Variants in HOOK1 observed in about 807,000 individuals in gnomAD.
The protein encoded by HOOK1 is protein Hook homolog 1.
HOOK1 carries 60 observed loss-of-function variants against 112.8 expected under a neutral mutation model. That is an observed-to-expected ratio of 0.53 (90% CI 0.43 to 0.66). The LOEUF (loss-of-function observed/expected upper bound fraction) is 0.66. HOOK1 is among the 30% of genes least tolerant of loss of function. HOOK1 has a pLI of 0.00. For missense variants in HOOK1, 770 were observed against 856.0 expected (o/e 0.90, Z 1.25); for synonymous variants, 294 against 283.8 (o/e 1.04, Z -0.36).
intron 1 of HOOK1, among the ~76,000 whole-genome samples, chr1:59,820,542 A>G (rs2102002299): frequency 6.6e-6 from 1 of 152,046 alleles, no homozygotes; most frequent in African/African-American, 2.4e-5. Context: ...TCATATTCCT[A>G]TTTCCTGAAG....
At chr1:59,871,182 A>G in intron 21 of HOOK1, 72 bp downstream of exon 21, 1 of 926,954 alleles carries the variant, frequency 1.1e-6, no homozygotes, top group African/African-American at 1.7e-5. Context: ...CAAGTACAAC[A>G]TAAGAAAATA....
chr1:59,858,158 G>T (rs2098411668), intron 12 of HOOK1, among the ~76,000 whole-genome samples: 1 of 152,152 alleles, frequency 6.6e-6, no homozygotes, highest in Non-Finnish European at 1.5e-5. Flanking sequence ...CAAAGTCCAT[G>T]CTTTTTTATT....
At chr1:59,844,690 C>T (rs1242890613) in intron 9 of HOOK1, among the ~76,000 whole-genome samples, 1 of 151,856 alleles carries the variant, frequency 6.6e-6, no homozygotes, top group African/African-American at 2.4e-5. Flanking sequence ...ATAGAGAATT[C>T]CTATCTATGA....
chr1:59,847,347 G>A (rs1474834972), intron 10 of HOOK1, among the ~76,000 whole-genome samples, 162 bp downstream of exon 10: 1 of 151,596 alleles, frequency 6.6e-6, no homozygotes, highest in Non-Finnish European at 1.5e-5. Context: ...TATGTTTGTT[G>A]TTTGGGCTTG....
At chr1:59,852,259 C>A (rs1181849694) in intron 12 of HOOK1, among the ~76,000 whole-genome samples, 1 of 149,852 alleles carries the variant, frequency 6.7e-6, no homozygotes, top group African/African-American at 2.5e-5. Context: ...TTGTGGAGTT[C>A]AGTTTTCTGG....
chr1:59,825,759 CA>C (rs2098389389), intron 2 of HOOK1, among the ~76,000 whole-genome samples: 1 of 152,072 alleles, frequency 6.6e-6, no homozygotes, highest in South Asian at 2.1e-4. Context: ...GAAGTCATCC[CA>C]ATAGATTTTT....
chr1:59,854,142 C>T (rs2098409250), intron 12 of HOOK1, among the ~76,000 whole-genome samples: 1 of 142,076 alleles, frequency 7.0e-6, no homozygotes, highest in Non-Finnish European at 1.5e-5. Flanking sequence ...ACCTCTGCCT[C>T]CTGGGTTCAA....
In HOOK1 at chr1:59,858,419, T is replaced by C. The variant is rs368629656; in HGVS notation, c.1243-9T>C. On this transcript the variant is annotated splice_polypyrimidine_tract_variant and intron_variant, in intron 12 of 21. Transcript: ENST00000371208. ...TAAATACTTTGCTGATATCAACAAT[T>C]CTTTTCAGAGACTAATTGAGCAGCG... 149 of 1,582,954 alleles carry C rather than the reference T, an allele frequency of 9.4e-5. No individual in the cohort carries two copies. The Middle Eastern group carries it at 4.0e-3, about 43-fold the overall frequency.
chr1:59,846,584 T>TCCCACCC (rs879727101), intron 9 of HOOK1, among the ~76,000 whole-genome samples: 1 of 89,616 alleles, frequency 1.1e-5, no homozygotes, highest in Non-Finnish European at 2.2e-5. Context: ...CCTTCCTTCC[T>TCCCACCC]TCCTCCCTCC....
chr1:59,874,364 A>G lies in HOOK1; in HGVS notation c.*1399A>G, dbSNP rs1644103295. The G allele has an allele frequency of 6.6e-6, 1 of 152,212 alleles. No homozygotes were observed. The highest frequency in any genetic ancestry group is 2.1e-4 in the South Asian group (1 of 4,832). The allele number at this position is 152,212 out of a possible 1,614,324, so 9.4% of individuals were successfully genotyped here. On this transcript the variant is annotated 3_prime_UTR_variant, in exon 22 of 22. Coordinates refer to ENST00000371208, the MANE Select transcript of HOOK1 (RefSeq NM_015888.6). ...AAAATGTTAGGACTATTTCAGATAT[A>G]AAAAGGAACTGAATTGTGACATAAT...
At chr1:59,829,852 A>G (rs1051696143) in intron 3 of HOOK1, among the ~76,000 whole-genome samples, 9 of 151,902 alleles carry the variant, frequency 5.9e-5, no homozygotes, top group Non-Finnish European at 1.3e-4. Context: ...TTTTTCCCCT[A>G]ATATTAACCA....
In HOOK1 at chr1:59,865,207, A is replaced by C. The variant is rs1484149492; in HGVS notation, c.1706A>C (p.Glu569Ala). The C allele has an allele frequency of 6.2e-7, 1 of 1,610,006 alleles. No homozygotes were observed. The highest frequency in any genetic ancestry group is 8.5e-7 in the Non-Finnish European group (1 of 1,176,480). ...CATGAAGAATTACAGAAGAAACAAG[A>C]ACTCATTGAAGATCTTCAGCCAGAT... The part of the protein sequence containing the change: ...EVHEELQKKQ[E>A]LIEDLQPDIN... Residue 569 changes from glutamate to alanine, a missense_variant, in exon 18 of 22, where the codon GAA becomes GCA. Transcript: ENST00000371208.
At position 59,854,819 on chromosome 1, in the gene HOOK1, G is replaced by T. The variant is rs181860698; in HGVS notation, c.1243-3609G>T. 7.2e-5 allele frequency among the ~76,000 whole-genome samples: 11 copies of T among 152,238 alleles called. No homozygotes were observed. In the East Asian group the frequency reaches 2.1e-3, roughly 29 times the overall value. On this transcript the variant is annotated intron_variant, in intron 12 of 21. Coordinates refer to ENST00000371208, the MANE Select transcript of HOOK1 (RefSeq NM_015888.6). ...TGAATTTGTTGAATTTCTTAGAACT[G>T]TAGATTGATGATCCAAGGTTGGAAA...
At chr1:59,854,207 A>G (rs1231725387) in intron 12 of HOOK1, among the ~76,000 whole-genome samples, 1 of 150,742 alleles carries the variant, frequency 6.6e-6, no homozygotes, top group African/African-American at 2.4e-5. Context: ...GCATGCCACC[A>G]TGCCTGACTA....
intron 8 of HOOK1, among the ~76,000 whole-genome samples, chr1:59,842,380 G>A (rs1223744608): frequency 6.6e-6 from 1 of 152,096 alleles, no homozygotes; most frequent in Non-Finnish European, 1.5e-5. Flanking sequence ...ACAGGTAATA[G>A]TAGTCACTAA....
At chr1:59,834,615 C>A (rs2098396264) in intron 5 of HOOK1, among the ~76,000 whole-genome samples, 1 of 152,062 alleles carries the variant, frequency 6.6e-6, no homozygotes, top group African/African-American at 2.4e-5. Flanking sequence ...AATATTTAAT[C>A]ACAAATTGAC....
Position 59,848,362 on chromosome 1 carries a change from A to G in HOOK1, c.977A>G (p.Tyr326Cys), listed in dbSNP as rs1326107844. The G allele has an allele frequency of 6.8e-6, 11 of 1,611,338 alleles. No homozygotes were observed. Among genetic ancestry groups the G allele is most frequent in the South Asian group, 2.2e-5 (2 of 90,980 alleles). ...ANKLESTVEI[Y>C]RQKLQDLNDL... ...AAACTGGAGTCAACAGTTGAGATATATCGTCAGAAGCTACAAGATCTGAAT... is the reference window on the plus strand; with the variant it reads ...AAACTGGAGTCAACAGTTGAGATATGTCGTCAGAAGCTACAAGATCTGAAT... Residue 326 changes from tyrosine (Y) to cysteine (C), a missense_variant, in exon 11 of 22, where the codon TAT (tyrosine) becomes TGT (cysteine). By Grantham distance (194) the Tyr-to-Cys change is radical. This residue lies in a region of HOOK1 where 655 missense variants were observed against 725.9 expected (regional missense o/e 0.90). Coordinates refer to ENST00000371208, the MANE Select transcript of HOOK1 (RefSeq NM_015888.6).
At position 59,833,711 on chromosome 1, in the gene HOOK1, G is replaced by A. The variant is rs530290547; in HGVS notation, c.406+174G>A. Among the ~76,000 whole-genome samples the A allele has an allele frequency of 3.3e-5, 5 of 152,272 alleles. No homozygotes were observed. The South Asian group carries it at 6.2e-4, about 19-fold the overall frequency. On this transcript the variant is annotated intron_variant, in intron 5 of 21. Transcript: ENST00000371208. ...CGTTGAAAAGTGGCATACCTTGAGT[G>A]TCCTATTTGTACCTGGATTCTGATA...
chr1:59,848,587 A>G (rs573746348), intron 11 of HOOK1, 71 bp downstream of exon 11: 1 of 1,007,702 alleles, frequency 9.9e-7, no homozygotes, highest in South Asian at 1.5e-5. Context: ...TTGATGTCTT[A>G]AGAATGGTAA....
Sources: gnomAD v4.1 joint callset for allele counts (sites outside exome capture counted in the v4.1 genomes callset) on GRCh38, gnomAD v4.1.1 for gene constraint, gnomAD v4.1.1 regional missense constraint, MANE v1.5 for transcripts, NCBI Gene and HGNC (gene_info 2026-07-23, HGNC 2026-07-21) for gene names.